The following GRIA1 variants were observed in gnomAD, a reference collection of about 807,000 sequenced individuals.
GRIA1 encodes the protein glutamate receptor 1.
GRIA1 carries 31 observed loss-of-function variants against 99.2 expected under a neutral mutation model. The ratio of observed to expected loss-of-function variants is 0.31; its 90% CI spans 0.23 to 0.42. The LOEUF (loss-of-function observed/expected upper bound fraction) is 0.42. Ranked by LOEUF, GRIA1 falls within the 10% of genes least tolerant of loss-of-function variation. GRIA1 has a pLI of 1.00. For synonymous variants in GRIA1, 438 were observed against 432.4 expected (o/e 1.01, Z -0.16); for missense variants, 782 against 1,157.5 (o/e 0.68, Z 4.71).
chr5:153,811,230 A>G lies in GRIA1; in HGVS notation c.*5A>G, dbSNP rs1434642999. The G allele has an allele frequency of 6.2e-7, 1 of 1,611,160 alleles. No individual in the cohort carries two copies. The highest frequency in any genetic ancestry group is 1.7e-5 in the Admixed American group (1 of 60,014). ...TTGGGAGCCACGGGATTGTAACTGG[A>G]GCAGATGGAGACCCCTTGGGGAGCA... On this transcript the variant is annotated 3_prime_UTR_variant, in exon 16 of 16. Coordinates refer to ENST00000285900, the MANE Select transcript of GRIA1 (RefSeq NM_000827.4).
chr5:153,754,139 C>G (rs1762669256), intron 11 of GRIA1, among the ~76,000 whole-genome samples: 1 of 152,132 alleles, frequency 6.6e-6, no homozygotes, highest in African/African-American at 2.4e-5. Flanking sequence ...CATTCCCAGC[C>G]CTGGCCTCTA....
intron 2 of GRIA1, among the ~76,000 whole-genome samples, chr5:153,621,897 T>C (rs994547506): frequency 6.6e-6 from 1 of 152,188 alleles, no homozygotes; most frequent in African/African-American, 2.4e-5. Context: ...ACAGCTGATA[T>C]TTATGCATAA....
At chr5:153,550,664 T>A (rs995554458) in intron 2 of GRIA1, among the ~76,000 whole-genome samples, 6 of 152,160 alleles carry the variant, frequency 3.9e-5, no homozygotes, top group African/African-American at 1.4e-4. Context: ...CTACTAACAT[T>A]CTGACCTTGG....
chr5:153,671,841 C>T (rs941549195), intron 5 of GRIA1, among the ~76,000 whole-genome samples: 1 of 152,176 alleles, frequency 6.6e-6, no homozygotes, highest in Admixed American at 6.5e-5. Flanking sequence ...AGGAAACTGA[C>T]ATTTCAATAG....
intron 13 of GRIA1, among the ~76,000 whole-genome samples, chr5:153,782,797 G>A (rs546585677): frequency 6.6e-6 from 1 of 152,112 alleles, no homozygotes; most frequent in Non-Finnish European, 1.5e-5. Flanking sequence ...AGGTATTTCA[G>A]GAAAAGCCAC....
intron 2 of GRIA1, among the ~76,000 whole-genome samples, chr5:153,535,325 T>C (rs1248994530): frequency 6.6e-6 from 1 of 152,238 alleles, no homozygotes; most frequent in African/African-American, 2.4e-5. Flanking sequence ...TAATGCTATT[T>C]ACCCACCATC....
At chr5:153,716,657 G>A (rs775131711) in intron 11 of GRIA1, among the ~76,000 whole-genome samples, 10 of 152,076 alleles carry the variant, frequency 6.6e-5, no homozygotes, top group Non-Finnish European at 1.0e-4. Context: ...TGTAACTGGT[G>A]CCACTTTGGA....
intron 2 of GRIA1, among the ~76,000 whole-genome samples, chr5:153,510,017 A>G (rs191379089): frequency 6.6e-5 from 10 of 152,286 alleles, no homozygotes; most frequent in African/African-American, 1.9e-4. Context: ...TCTGAAAATG[A>G]CAGCAACAAC....
chr5:153,557,836 A>G (rs1378287941), intron 2 of GRIA1: 4 of 152,214 alleles, frequency 2.6e-5, no homozygotes, highest in Non-Finnish European at 5.9e-5. Flanking sequence ...AATAGCACGC[A>G]TGGAGCTGTC....
At chr5:153,603,428 G>A (rs1345713005) in intron 2 of GRIA1, among the ~76,000 whole-genome samples, 1 of 151,998 alleles carries the variant, frequency 6.6e-6, no homozygotes, top group Admixed American at 6.6e-5. Flanking sequence ...TAGCCCTTTG[G>A]CTATATACCC....
chr5:153,791,584 G>A (rs998389038), intron 13 of GRIA1, among the ~76,000 whole-genome samples: 1 of 152,110 alleles, frequency 6.6e-6, no homozygotes, highest in South Asian at 2.1e-4. Flanking sequence ...TAGTCACACA[G>A]AGCTGAGTGA....
At chr5:153,693,298 G>A (rs1056245719) in intron 8 of GRIA1, among the ~76,000 whole-genome samples, 1 of 152,158 alleles carries the variant, frequency 6.6e-6, no homozygotes, top group Non-Finnish European at 1.5e-5. Context: ...GGCTCAATCA[G>A]AGGTAAAACA....
At chr5:153,703,453 A>C (rs1758670970) in intron 10 of GRIA1, among the ~76,000 whole-genome samples, 1 of 152,218 alleles carries the variant, frequency 6.6e-6, no homozygotes, top group Non-Finnish European at 1.5e-5. Context: ...CTTTAGGACA[A>C]TACGGAACAG....
rs559437876 is a variant in GRIA1, at chr5:153,702,665, A to C, written c.1453-3032A>C. Among the ~76,000 whole-genome samples the C allele has an allele frequency of 9.8e-5, 15 of 152,348 alleles. No individual in the cohort carries two copies. In the East Asian group the frequency reaches 2.5e-3, roughly 25 times the overall value. Reference sequence around the variant, plus strand: ...AGCACCACCTGGGAACCTATTAGAAATGCAGATGTTCACATCTCACCCCAG... The same window carrying C: ...AGCACCACCTGGGAACCTATTAGAACTGCAGATGTTCACATCTCACCCCAG... On this transcript the variant is annotated intron_variant, in intron 10 of 15. Transcript: ENST00000285900.
chr5:153,654,598 G>T lies in GRIA1; in HGVS notation c.646-1221G>T, dbSNP rs574325395. Among the ~76,000 whole-genome samples, 3 of 152,236 alleles carry T rather than the reference G, an allele frequency of 2.0e-5. No individual in the cohort carries two copies. In the Middle Eastern group the frequency reaches 0.01, roughly 518 times the overall value. On this transcript the variant is annotated intron_variant, in intron 4 of 15. Coordinates refer to ENST00000285900, the MANE Select transcript of GRIA1 (RefSeq NM_000827.4). ...TTCACAATCTAACCACTATTTCAAA[G>T]AATTCATTGTGTGTGCTTGCATTTA...
At chr5:153,727,469 T>C (rs1284647279) in intron 11 of GRIA1, among the ~76,000 whole-genome samples, 2 of 152,192 alleles carry the variant, frequency 1.3e-5, no homozygotes, top group Non-Finnish European at 2.9e-5. Flanking sequence ...GATGACATGA[T>C]TGTATATCTA....
intron 6 of GRIA1, among the ~76,000 whole-genome samples, chr5:153,676,459 C>G (rs1756593948): frequency 6.6e-6 from 1 of 152,160 alleles, no homozygotes; most frequent in Admixed American, 6.5e-5. Flanking sequence ...AAACTTACCA[C>G]TTAGGTAAGC....
chr5:153,538,391 A>G lies in GRIA1; in HGVS notation c.220+44326A>G, dbSNP rs538019291. On this transcript the variant is annotated intron_variant, in intron 2 of 15. Transcript: ENST00000285900. Reference sequence around the variant, plus strand: ...ATGACAAAAAGATTTAAAGGAAGCAATGTGAAACAAAGACCACAAGATGAG... The same window carrying G: ...ATGACAAAAAGATTTAAAGGAAGCAGTGTGAAACAAAGACCACAAGATGAG... 7.6e-4 allele frequency among the ~76,000 whole-genome samples: 116 copies of G among 152,310 alleles called. 1 individual carries two copies. The Middle Eastern group carries it at 0.031, about 40-fold the overall frequency.
At chr5:153,502,715 G>A (rs949300442) in intron 2 of GRIA1, among the ~76,000 whole-genome samples, 1 of 152,132 alleles carries the variant, frequency 6.6e-6, no homozygotes, top group African/African-American at 2.4e-5. Context: ...GCAAAACTGG[G>A]GCAAATGAGG....
Sources: gnomAD v4.1 joint callset for allele counts (sites outside exome capture counted in the v4.1 genomes callset) on GRCh38, gnomAD v4.1.1 for gene constraint, MANE v1.5 for transcripts, NCBI Gene and HGNC (gene_info 2026-07-23, HGNC 2026-07-21) for gene names.